The following ALB variants were observed in gnomAD, a reference collection of about 807,000 sequenced individuals.
The protein encoded by ALB is serum albumin.
A neutral mutation model predicts 74.5 loss-of-function variants in ALB; 37 were observed. That is an observed-to-expected ratio of 0.50 (90% CI 0.38 to 0.65). ALB has a LOEUF of 0.65. Ranked by LOEUF, ALB falls within the 30% of genes least tolerant of loss-of-function variation. The pLI is 0.00. For synonymous variants in ALB, 249 were observed against 251.6 expected (o/e 0.99, Z 0.10); for missense variants, 685 against 718.7 (o/e 0.95, Z 0.54).
At chr4:73,408,563 C>T in intron 3 of ALB, 31 bp from the exon 4 acceptor site, 1 of 1,590,032 alleles carries the variant, frequency 6.3e-7, no homozygotes, top group Non-Finnish European at 8.6e-7. Context: ...AGGTACTGTC[C>T]AGCAACTGAA....
intron 11 of ALB, 190 bp from the exon 12 acceptor site, chr4:73,417,898 G>A: frequency 1.4e-6 from 1 of 705,640 alleles, no homozygotes; most frequent in Non-Finnish European, 2.4e-6. Flanking sequence ...GTCCAGGCTG[G>A]AGTGCAGTGG....
chr4:73,409,557 T>A, intron 5 of ALB, 70 bp downstream of exon 5: 1 of 1,597,580 alleles, frequency 6.3e-7, no homozygotes, highest in Non-Finnish European at 8.6e-7. Flanking sequence ...GTGGCTAGAT[T>A]TAGGGAACCT....
chr4:73,407,201 G>C (rs1718754736), intron 3 of ALB, among the ~76,000 whole-genome samples: 1 of 152,030 alleles, frequency 6.6e-6, no homozygotes. Flanking sequence ...CGGGTACACT[G>C]TTGTATAGCT....
intron 8 of ALB, 48 bp from the exon 9 acceptor site, chr4:73,414,987 T>C (rs2149328789): frequency 6.2e-7 from 1 of 1,602,038 alleles, no homozygotes; most frequent in African/African-American, 1.3e-5. Flanking sequence ...GTGATATTTT[T>C]TGTGCTCATT....
intron 4 of ALB, 167 bp downstream of exon 4, chr4:73,408,972 A>C (rs1718800656): frequency 1.6e-6 from 1 of 639,632 alleles, no homozygotes; most frequent in African/African-American, 1.8e-5. Flanking sequence ...AAAATTCTAC[A>C]CAGCAAAAAA....
At position 73,418,099 on chromosome 4, in the gene ALB, C is replaced by A. The variant is rs779250426; in HGVS notation, c.1440C>A (p.Val480=). The A allele has an allele frequency of 1.9e-6, 3 of 1,613,918 alleles. No individual in the cohort carries two copies. Among genetic ancestry groups the A allele is most frequent in the East Asian group, 4.5e-5 (2 of 44,890 alleles). Residue 480 remains valine, a synonymous_variant, in exon 12 of 15, where the codon GTC becomes GTA. Transcript: ENST00000295897. ...MPCAEDYLSV[V]LNQLCVLHEK... ...TGCCTGTTCTTTAGCTATCCGTGGT[C>A]CTGAACCAGTTATGTGTGTTGCATG...
chr4:73,413,335 A>G, intron 7 of ALB, 85 bp from the exon 8 acceptor site: 1 of 1,231,778 alleles, frequency 8.1e-7, no homozygotes, highest in Non-Finnish European at 1.2e-6. Context: ...TACAATGAAT[A>G]TGTTCTGCCA....
intron 2 of ALB, among the ~76,000 whole-genome samples, chr4:73,405,570 C>T (rs1193155939): frequency 6.6e-6 from 1 of 151,992 alleles, no homozygotes; most frequent in Non-Finnish European, 1.5e-5. Flanking sequence ...GCAAGCATTC[C>T]TGTGCTTAGT....
chr4:73,413,800 T>C (rs530566266), intron 8 of ALB, among the ~76,000 whole-genome samples, 166 bp downstream of exon 8: 93 of 152,240 alleles, frequency 6.1e-4, no homozygotes, highest in Non-Finnish European at 7.8e-4. Context: ...GTTAATTAGT[T>C]GAATACATTG....
chr4:73,404,633 G>C (rs1189200858), intron 1 of ALB, among the ~76,000 whole-genome samples: 1 of 150,516 alleles, frequency 6.6e-6, no homozygotes, highest in East Asian at 1.9e-4. Context: ...ATTTTCTTTT[G>C]CGCACTAAGG....
chr4:73,408,286 T>C (rs1456879664), intron 3 of ALB, among the ~76,000 whole-genome samples: 3 of 152,216 alleles, frequency 2.0e-5, no homozygotes, highest in Non-Finnish European at 2.9e-5. Flanking sequence ...ATTTCTGTTA[T>C]AATGATTGCT....
At chr4:73,411,867 A>C in intron 6 of ALB, 129 bp from the exon 7 acceptor site, 1 of 1,179,522 alleles carries the variant, frequency 8.5e-7, no homozygotes. Context: ...CAGAACTAGA[A>C]CTAATGAATT....
rs560460530 is a variant in ALB, at chr4:73,418,755, T to C, written c.1652+444T>C. ...GAGAATGAGACTTGGATAAAAAACA[T>C]GTAGAAATGCAAGCCCTGAAGCTCA... On this transcript the variant is annotated intron_variant, in intron 12 of 14. Coordinates refer to ENST00000295897, the MANE Select transcript of ALB (RefSeq NM_000477.7). Among the ~76,000 whole-genome samples the C allele has an allele frequency of 3.3e-5, 5 of 152,266 alleles. No homozygotes were observed. The South Asian group carries it at 6.2e-4, about 19-fold the overall frequency.
At chr4:73,420,467 C>T in intron 14 of ALB, 146 bp downstream of exon 14, 1 of 508,828 alleles carries the variant, frequency 2.0e-6, no homozygotes. Context: ...TTTTAAAATT[C>T]TCAAAATAGT....
intron 14 of ALB, 123 bp downstream of exon 14, chr4:73,420,444 T>C: frequency 1.8e-6 from 1 of 549,200 alleles, no homozygotes; most frequent in Non-Finnish European, 3.1e-6. Context: ...TATTTATGTA[T>C]GTAAATATTA....
At chr4:73,419,442 C>T in intron 12 of ALB, 65 bp from the exon 13 acceptor site, 1 of 1,524,436 alleles carries the variant, frequency 6.6e-7, no homozygotes, top group South Asian at 1.2e-5. Context: ...CTTACTCTCT[C>T]CATTTTTCTA....
intron 14 of ALB, among the ~76,000 whole-genome samples, 170 bp downstream of exon 14, chr4:73,420,491 A>G (rs954323362): frequency 2.0e-5 from 3 of 152,210 alleles, no homozygotes; most frequent in East Asian, 3.8e-4. Flanking sequence ...TGAGTTGGGA[A>G]CCACTATTAT....
rs1719060564 is a variant in ALB at position 73,418,092 on chromosome 4, C to G, written c.1433C>G (p.Ser478Cys). 1 of 1,613,960 alleles carries G rather than the reference C, an allele frequency of 6.2e-7. No homozygotes were observed. The highest frequency in any genetic ancestry group is 8.5e-7 in the Non-Finnish European group (1 of 1,179,916). The change falls in exon 12 of 15, where the codon TCC becomes TGC. Residue 478 changes from serine to cysteine, a missense_variant. Transcript: ENST00000295897. The stretch of plus-strand genomic sequence containing the variant: ...GCTCTCCTGCCTGTTCTTTAGCTAT[C>G]CGTGGTCCTGAACCAGTTATGTGTG... ...KRMPCAEDYL[S>C]VVLNQLCVLH...
At chr4:73,418,377 G>A (rs1382459992) in intron 12 of ALB, 66 bp downstream of exon 12, 2 of 1,437,654 alleles carry the variant, frequency 1.4e-6, no homozygotes, top group East Asian at 2.3e-5. Context: ...ATTCAAGCTA[G>A]CAACTTTTTC....
Sources: gnomAD v4.1 joint callset for allele counts (sites outside exome capture counted in the v4.1 genomes callset) on GRCh38, gnomAD v4.1.1 for gene constraint, MANE v1.5 for transcripts, NCBI Gene and HGNC (gene_info 2026-07-23, HGNC 2026-07-21) for gene names.